TTC29: variants seen among roughly 807,000 people sequenced by gnomAD.
The protein encoded by TTC29 is tetratricopeptide repeat domain 29.
In TTC29, 49 loss-of-function variants were observed where a neutral mutation model predicts 58.1. The observed-to-expected ratio is 0.84, with a 90% confidence interval of 0.67 to 1.07. The LOEUF (loss-of-function observed/expected upper bound fraction) is 1.07. Ranked by LOEUF, TTC29 falls within the 50% of genes least tolerant of loss-of-function variation. TTC29 has a pLI of 0.00. For missense variants in TTC29, 582 were observed against 555.6 expected (o/e 1.05, Z -0.48); for synonymous variants, 209 against 196.8 (o/e 1.06, Z -0.52).
intron 8 of TTC29, among the ~76,000 whole-genome samples, chr4:146,862,979 G>A (rs1009018616): frequency 5.3e-5 from 8 of 151,884 alleles, no homozygotes; most frequent in Admixed American, 1.3e-4. Context: ...AAAATTAGCC[G>A]GGCGTGGTGG....
At chr4:146,814,068 T>C (rs1185565644) in intron 10 of TTC29, among the ~76,000 whole-genome samples, 2 of 152,194 alleles carry the variant, frequency 1.3e-5, no homozygotes, top group Non-Finnish European at 2.9e-5. Context: ...GGTATGAAAC[T>C]GGTTACAAAT....
intron 11 of TTC29, among the ~76,000 whole-genome samples, chr4:146,727,474 C>A (rs1447600061): frequency 6.6e-6 from 1 of 152,270 alleles, no homozygotes; most frequent in East Asian, 1.9e-4. Context: ...AGTTTCACTG[C>A]TCTAAAAATC....
intron 11 of TTC29, among the ~76,000 whole-genome samples, chr4:146,726,006 A>G (rs372327030): frequency 5.9e-5 from 9 of 152,210 alleles, no homozygotes; most frequent in Admixed American, 4.6e-4. Context: ...CCAAATAATT[A>G]GGACTATTGA....
chr4:146,912,473 G>A (rs1039362083), intron 4 of TTC29, among the ~76,000 whole-genome samples: 2 of 152,136 alleles, frequency 1.3e-5, no homozygotes, highest in East Asian at 1.9e-4. Flanking sequence ...CTGAAGCCCC[G>A]AGTAGTGCGC....
At chr4:146,854,150 C>T (rs1445818996) in intron 8 of TTC29, among the ~76,000 whole-genome samples, 1 of 152,118 alleles carries the variant, frequency 6.6e-6, no homozygotes, top group Non-Finnish European at 1.5e-5. Context: ...TTCTTGGCTT[C>T]CTTCTTTTGC....
At chr4:146,896,151 C>G (rs1368652706) in intron 6 of TTC29, among the ~76,000 whole-genome samples, 1 of 152,046 alleles carries the variant, frequency 6.6e-6, no homozygotes, top group African/African-American at 2.4e-5. Context: ...TATTCTTGAA[C>G]TTTTAATTTT....
chr4:146,917,106 TGAC>T (rs1214536245), intron 4 of TTC29, among the ~76,000 whole-genome samples: 3 of 151,152 alleles, frequency 2.0e-5, no homozygotes, highest in African/African-American at 4.8e-5. Flanking sequence ...ATAAATAATA[TGAC>T]TACTGCTTAT....
intron 4 of TTC29, among the ~76,000 whole-genome samples, chr4:146,915,229 TA>T (rs1734144327): frequency 6.6e-6 from 1 of 152,180 alleles, no homozygotes; most frequent in African/African-American, 2.4e-5. Flanking sequence ...CATTGCCTCC[TA>T]TTATATCATG....
At chr4:146,766,504 C>A (rs1747331933) in intron 11 of TTC29, among the ~76,000 whole-genome samples, 1 of 151,974 alleles carries the variant, frequency 6.6e-6, no homozygotes, top group South Asian at 2.1e-4. Context: ...TTAAATATTT[C>A]TAAATAATTA....
intron 8 of TTC29, among the ~76,000 whole-genome samples, chr4:146,859,972 C>T (rs949187092): frequency 6.6e-6 from 1 of 152,048 alleles, no homozygotes; most frequent in African/African-American, 2.4e-5. Flanking sequence ...ATGGAGAACT[C>T]TGAGATTTAT....
chr4:146,832,466 A>G (rs1579783680), intron 9 of TTC29, among the ~76,000 whole-genome samples: 1 of 152,132 alleles, frequency 6.6e-6, no homozygotes, highest in South Asian at 2.1e-4. Flanking sequence ...TCTTGGGTAA[A>G]CACCCATACT....
At chr4:146,931,700 C>T (rs1311529236) in intron 4 of TTC29, among the ~76,000 whole-genome samples, 2 of 152,124 alleles carry the variant, frequency 1.3e-5, no homozygotes, top group Non-Finnish European at 2.9e-5. Flanking sequence ...AGCTGGTAAG[C>T]TTAAACACCA....
intron 6 of TTC29, among the ~76,000 whole-genome samples, chr4:146,893,314 T>C (rs1193033097): frequency 6.6e-6 from 1 of 152,182 alleles, no homozygotes; most frequent in Non-Finnish European, 1.5e-5. Flanking sequence ...AACAGCATGG[T>C]ACTGGTACCA....
At chr4:146,790,496 A>G (rs1200760223) in intron 11 of TTC29, among the ~76,000 whole-genome samples, 1 of 150,708 alleles carries the variant, frequency 6.6e-6, no homozygotes, top group Non-Finnish European at 1.5e-5. Flanking sequence ...CACTAAACCC[A>G]ATCACTTTCT....
chr4:146,899,880 A>T (rs1189157330), intron 6 of TTC29, among the ~76,000 whole-genome samples: 1 of 152,166 alleles, frequency 6.6e-6, no homozygotes, highest in Non-Finnish European at 1.5e-5. Flanking sequence ...TTTAGCATGA[A>T]TGAGGGCACC....
chr4:146,812,532 T>C (rs1751093706), intron 10 of TTC29, among the ~76,000 whole-genome samples: 1 of 152,178 alleles, frequency 6.6e-6, no homozygotes, highest in African/African-American at 2.4e-5. Flanking sequence ...TGCCTAAAAT[T>C]TTGATTAGAT....
At chr4:146,815,952 A>C (rs1751370749) in intron 10 of TTC29, among the ~76,000 whole-genome samples, 1 of 152,234 alleles carries the variant, frequency 6.6e-6, no homozygotes, top group Non-Finnish European at 1.5e-5. Flanking sequence ...CAAGGAAAAT[A>C]AACTTTTCTG....
chr4:146,827,310 T>C (rs1171157605), intron 9 of TTC29, among the ~76,000 whole-genome samples: 1 of 152,226 alleles, frequency 6.6e-6, no homozygotes, highest in Non-Finnish European at 1.5e-5. Context: ...ACACTTATTA[T>C]GGTTTATTCT....
At chr4:146,798,082 T>A (rs1237167032) in intron 11 of TTC29, among the ~76,000 whole-genome samples, 2 of 152,092 alleles carry the variant, frequency 1.3e-5, no homozygotes, top group Admixed American at 6.6e-5. Context: ...TCAATTTATT[T>A]TTCATCTTGG....
Sources: allele counts gnomAD v4.1 joint callset (sites outside exome capture counted in the v4.1 genomes callset), GRCh38; gene constraint gnomAD v4.1.1; transcripts MANE v1.5; gene names NCBI Gene and HGNC (gene_info 2026-07-23, HGNC 2026-07-21).